The following LRP11 variants were observed in gnomAD, a reference collection of about 807,000 sequenced individuals.
LRP11 encodes LDL receptor related protein 11.
Under a neutral mutation model 43.1 loss-of-function variants are expected in LRP11, and 25 were observed. That is an observed-to-expected ratio of 0.58 (90% confidence interval 0.42 to 0.81). The LOEUF (loss-of-function observed/expected upper bound fraction) is 0.81, where lower values mean the gene tolerates loss of function less well. LRP11 is among the 30% of genes least tolerant of loss of function. LRP11 has a pLI of 0.00. For missense variants in LRP11, 623 were observed against 665.1 expected, an observed-to-expected ratio of 0.94 and a Z score of 0.70; for synonymous variants, 316 against 299.4, an observed-to-expected ratio of 1.06 and a Z score of -0.57.
Position 149,832,427 on chromosome 6 carries a change from A to C in LRP11, c.1252+3658T>G, listed in dbSNP as rs898629893. On this transcript the variant is annotated intron_variant, in intron 5 of 6. Transcript: ENST00000239367. ...AGGCTGGTCTTGAACTGACCTCGTG[A>C]TTTGCCTGCCTCGGCCTCCCAAAGT... Among the ~76,000 whole-genome samples, 6 of 151,812 alleles carry C rather than the reference A, an allele frequency of 4.0e-5. 2 individuals carry two copies. In the South Asian group the frequency reaches 1.2e-3, roughly 32 times the overall value.
At chr6:149,823,527 G>A (rs560235730) in intron 6 of LRP11, among the ~76,000 whole-genome samples, 5 of 152,232 alleles carry the variant, frequency 3.3e-5, no homozygotes, top group South Asian at 4.2e-4. Flanking sequence ...CATTTGGGGG[G>A]CAGGTAGCTG....
At position 149,838,844 on chromosome 6, in the gene LRP11, G is replaced by A. The variant is rs114463444; in HGVS notation, c.914-1381C>T. ...AACTTTATTAGACTTAGCTAGAGGA[G>A]AACCGGGTGACTATCTGGTACTGGC... On this transcript the variant is annotated intron_variant, in intron 3 of 6. Transcript: ENST00000239367. Among the ~76,000 whole-genome samples, 511 of 152,220 alleles carry A rather than the reference G, an allele frequency of 3.4e-3. 6 individuals are homozygous for A. Among genetic ancestry groups the A allele is most frequent in the African/African-American group, 0.012 (489 of 41,540 alleles).
In LRP11 at chr6:149,827,372, T is replaced by G. The variant is rs1776353609; in HGVS notation, c.1253-1013A>C. Reference sequence around the variant, plus strand: ...ACTCATATGGCATCAACATAAATGTTCCTAATTCCTGCAAATGAAATAAGA... The same window carrying G: ...ACTCATATGGCATCAACATAAATGTGCCTAATTCCTGCAAATGAAATAAGA... On this transcript the variant is annotated intron_variant, in intron 5 of 6. Coordinates refer to ENST00000239367, the MANE Select transcript of LRP11 (RefSeq NM_032832.6). This position sits in a 1 kb window ranked among gnomAD's most constrained non-coding sequence, Gnocchi z 4.2. Among the ~76,000 whole-genome samples the G allele has an allele frequency of 6.6e-6, 1 of 152,240 alleles. No homozygotes were observed. Among genetic ancestry groups the G allele is most frequent in the Admixed American group, 6.5e-5 (1 of 15,288 alleles).
At chr6:149,848,584 A>G (rs751301080) in intron 2 of LRP11, among the ~76,000 whole-genome samples, 16 of 152,222 alleles carry the variant, frequency 1.1e-4, no homozygotes, top group Middle Eastern at 3.2e-3. Context: ...TTGTAGGAAC[A>G]TGGATGCAGC....
At chr6:149,842,615 A>G (rs1305882983) in intron 3 of LRP11, 1 of 1,549,720 alleles carries the variant, frequency 6.5e-7, no homozygotes, top group Non-Finnish European at 8.7e-7. Context: ...CACGAGTTCA[A>G]CTGGTTTCAC....
intron 1 of LRP11, among the ~76,000 whole-genome samples, chr6:149,858,348 C>A (rs1776834348): frequency 6.6e-6 from 1 of 152,168 alleles, no homozygotes; most frequent in Admixed American, 6.5e-5. Flanking sequence ...TCCAGCTTCA[C>A]CCATGTCCCT....
intron 6 of LRP11, among the ~76,000 whole-genome samples, chr6:149,821,659 C>CT (rs568442138): frequency 2.0e-5 from 3 of 152,174 alleles, no homozygotes; most frequent in Non-Finnish European, 2.9e-5. Flanking sequence ...CAATATCAGT[C>CT]TTTTTTATCA....
In LRP11 at chr6:149,828,405, G is replaced by A. The variant is rs145329824; in HGVS notation, c.1253-2046C>T. On this transcript the variant is annotated intron_variant, in intron 5 of 6. Coordinates refer to ENST00000239367, the MANE Select transcript of LRP11 (RefSeq NM_032832.6). ...TACACTTTTTCTCAGGGGTGAGGTA[G>A]TTAATAGGTACATATTTAACCACTG... Among the ~76,000 whole-genome samples, 4 of 152,054 alleles carry A rather than the reference G, an allele frequency of 2.6e-5. No homozygotes were observed. In the East Asian group the frequency reaches 7.7e-4, roughly 29 times the overall value.
At chr6:149,857,407 AG>A (rs1776815607) in intron 1 of LRP11, among the ~76,000 whole-genome samples, 1 of 151,896 alleles carries the variant, frequency 6.6e-6, no homozygotes, top group African/African-American at 2.4e-5. Context: ...ACATGCCTAT[AG>A]TCCCAGTTAC....
intron 1 of LRP11, among the ~76,000 whole-genome samples, chr6:149,853,471 CTT>C (rs1348810431): frequency 7.9e-5 from 12 of 151,980 alleles, no homozygotes; most frequent in African/African-American, 2.9e-4. Context: ...TTTAAAATCA[CTT>C]AAGTTCAAAA....
chr6:149,830,157 T>G (rs1043878637), intron 5 of LRP11, among the ~76,000 whole-genome samples: 1 of 151,916 alleles, frequency 6.6e-6, no homozygotes, highest in Admixed American at 6.6e-5. Flanking sequence ...ATTGTAGGCA[T>G]GCACCACCAC....
intron 5 of LRP11, among the ~76,000 whole-genome samples, chr6:149,830,355 G>T (rs1278345522): frequency 6.6e-6 from 1 of 152,168 alleles, no homozygotes; most frequent in Non-Finnish European, 1.5e-5. Context: ...GTTTAGAGAA[G>T]TTGATTACTT....
At chr6:149,828,377 T>TTTTACAC in intron 5 of LRP11, among the ~76,000 whole-genome samples, 1 of 152,242 alleles carries the variant, frequency 6.6e-6, no homozygotes, top group East Asian at 1.9e-4. Context: ...GGCAAGTAAT[T>TTTTACAC]TTTACACTTT....
In LRP11 at chr6:149,837,414, G is replaced by A; in HGVS notation, c.963C>T (p.Cys321=). The part of the protein sequence containing the change: ...SRYHFFCDDG[C]CIDITLACDG... The stretch of plus-strand genomic sequence containing the variant: ...CGCAGGCGAGCGTGATGTCAATGCA[G>A]CAGCCATCGTCACAGAAGAAGTGGT... The change falls in exon 4 of 7, where the codon TGC becomes TGT. Residue 321 remains cysteine (C), a synonymous_variant. Transcript: ENST00000239367. 3.1e-6 allele frequency: 5 copies of A among 1,614,140 alleles called. No individual in the cohort carries two copies. Among genetic ancestry groups the A allele is most frequent in the Non-Finnish European group, 4.2e-6 (5 of 1,180,022 alleles).
chr6:149,826,410 C>G, intron 5 of LRP11, 51 bp from the exon 6 acceptor site: 1 of 1,313,378 alleles, frequency 7.6e-7, no homozygotes, highest in Non-Finnish European at 1.1e-6. Context: ...TCAGAAACTT[C>G]AGGAAACAAA....
At chr6:149,830,007 CT>C (rs59467230) in intron 5 of LRP11, among the ~76,000 whole-genome samples, 4,095 of 127,438 alleles carry the variant, frequency 0.032, 157 homozygotes, top group African/African-American at 0.11. Flanking sequence ...TTATTATCCT[CT>C]TTTTTTTTTT....
chr6:149,859,396 A>ATATATATATATATATATATTTTTTT, intron 1 of LRP11, among the ~76,000 whole-genome samples: 3 of 71,492 alleles, frequency 4.2e-5, no homozygotes, highest in African/African-American at 8.2e-5. Flanking sequence ...ATATATATAT[A>ATATATATATATATATATATTTTTTT]TTTTTTTTTT....
At chr6:149,846,917 G>C (rs1002907469) in intron 2 of LRP11, among the ~76,000 whole-genome samples, 2 of 151,156 alleles carry the variant, frequency 1.3e-5, no homozygotes, top group Admixed American at 6.6e-5. Context: ...CTGGGTGACA[G>C]AGCGAGATCC....
rs995367852 is a variant in LRP11 at position 149,863,420 on chromosome 6, A to C, written c.601T>G (p.Ser201Ala). 2 of 1,323,172 alleles carry C rather than the reference A, an allele frequency of 1.5e-6. No individual in the cohort carries two copies. Among genetic ancestry groups the C allele is most frequent in the Non-Finnish European group, 1.9e-6 (2 of 1,044,338 alleles). The allele number at this position is 1,323,172 out of a possible 1,614,324, so 82.0% of individuals were successfully genotyped here. Residue 201 changes from serine to alanine, a missense_variant, in exon 1 of 7, where the codon TCG becomes GCG. Coordinates refer to ENST00000239367, the MANE Select transcript of LRP11 (RefSeq NM_032832.6). ...DGAALATARA[S>A]PRQEKDAPPL... ...GTCGCGCGCTTACCCTGCCGGGGCG[A>C]GGCGCGCGCGGTGGCCAGGGCGGCG...
Sources: gnomAD v4.1 joint callset for allele counts (sites outside exome capture counted in the v4.1 genomes callset) on GRCh38, gnomAD v4.1.1 for gene constraint, Gnocchi (gnomAD v3.1) non-coding constraint, MANE v1.5 for transcripts, NCBI Gene and HGNC (gene_info 2026-07-23, HGNC 2026-07-21) for gene names.